The following ZNG1A variants were observed in gnomAD, a reference collection of about 807,000 sequenced individuals.
ZNG1A encodes Zn regulated GTPase metalloprotein activator 1A.
chr9:172,261 C>T, the ZNG1A span: 122 of 1,539,156 alleles, frequency 7.9e-5, no homozygotes, highest in African/African-American at 8.4e-4. Flanking sequence ...TTCAACAACC[C>T]GAGACAAAAG....
the ZNG1A span, among the ~76,000 whole-genome samples, chr9:176,997 G>A: frequency 6.6e-6 from 1 of 152,184 alleles, no homozygotes; most frequent in Non-Finnish European, 1.5e-5. Context: ...GGGGAATTCA[G>A]TGAATAAGGA....
the ZNG1A span, among the ~76,000 whole-genome samples, chr9:124,114 T>C: frequency 2.6e-5 from 4 of 152,196 alleles, no homozygotes; most frequent in East Asian, 3.8e-4. Context: ...TCATCATGTA[T>C]TGAATATTAA....
At chr9:156,904 A>G in the ZNG1A span, among the ~76,000 whole-genome samples, 1 of 151,922 alleles carries the variant, frequency 6.6e-6, no homozygotes, top group Non-Finnish European at 1.5e-5. Flanking sequence ...CTAAATATTC[A>G]TTATTACTTA....
the ZNG1A span, among the ~76,000 whole-genome samples, chr9:132,336 G>A: frequency 5.4e-3 from 746 of 137,494 alleles, 25 homozygotes; most frequent in Admixed American, 0.052. Context: ...CCAACATGGT[G>A]AAACCCCATC....
the ZNG1A span, among the ~76,000 whole-genome samples, chr9:160,918 T>A: frequency 1.3e-5 from 2 of 150,944 alleles, no homozygotes; most frequent in East Asian, 3.8e-4. Context: ...CAACAGTCAT[T>A]GGAATTTTTC....
At chr9:163,406 A>T in the ZNG1A span, among the ~76,000 whole-genome samples, 16 of 152,108 alleles carry the variant, frequency 1.1e-4, no homozygotes, top group East Asian at 3.1e-3. Flanking sequence ...GGATACAGAA[A>T]ACCTACAAAG....
the ZNG1A span, among the ~76,000 whole-genome samples, chr9:140,685 G>T: frequency 2.0e-5 from 3 of 151,754 alleles, no homozygotes; most frequent in Admixed American, 1.3e-4. Flanking sequence ...AACAAAGCTG[G>T]AGGGAGAATG....
At chr9:139,746 G>A in the ZNG1A span, among the ~76,000 whole-genome samples, 217 of 151,708 alleles carry the variant, frequency 1.4e-3, 1 homozygote, top group African/African-American at 5.1e-3. Flanking sequence ...TTCCATCTGA[G>A]GTACCGGGTT....
the ZNG1A span, chr9:154,896 A>G: frequency 8.4e-7 from 1 of 1,195,660 alleles, no homozygotes; most frequent in Non-Finnish European, 1.2e-6. Flanking sequence ...AAAATAAATA[A>G]AAACGCCTCA....
chr9:123,979 TA>T, the ZNG1A span, among the ~76,000 whole-genome samples: 3 of 151,650 alleles, frequency 2.0e-5, no homozygotes, highest in Admixed American at 6.6e-5. Context: ...TCTGTTCTCT[TA>T]AAAAAAAATA....
chr9:141,494 G>A, the ZNG1A span, among the ~76,000 whole-genome samples: 1 of 149,548 alleles, frequency 6.7e-6, no homozygotes, highest in Non-Finnish European at 1.5e-5. Context: ...CAAATGCTGA[G>A]AGATTTTGTC....
chr9:154,723 T>C, the ZNG1A span: 1 of 1,597,998 alleles, frequency 6.3e-7, no homozygotes, highest in Non-Finnish European at 8.5e-7. Flanking sequence ...TTGTCGTTCT[T>C]AATTTCTTTA....
the ZNG1A span, chr9:177,908 A>C: frequency 2.0e-6 from 3 of 1,517,610 alleles, no homozygotes; most frequent in Non-Finnish European, 2.7e-6. Flanking sequence ...AAAGTTTTTA[A>C]AAAAAACAAA....
chr9:164,431 A>G, the ZNG1A span: 1 of 138,104 alleles, frequency 7.2e-6, no homozygotes, highest in Non-Finnish European at 1.5e-5. Flanking sequence ...ATTCAATCAT[A>G]AATAGTGAAT....
the ZNG1A span, among the ~76,000 whole-genome samples, chr9:176,555 T>A: frequency 6.6e-6 from 1 of 152,200 alleles, no homozygotes; most frequent in South Asian, 2.1e-4. Flanking sequence ...TTTTACGGAG[T>A]ATTAGGGTAT....
the ZNG1A span, among the ~76,000 whole-genome samples, chr9:156,273 C>A: frequency 3.3e-5 from 5 of 151,020 alleles, no homozygotes; most frequent in African/African-American, 1.2e-4. Flanking sequence ...TCAGCATTCA[C>A]TTTATGCTAC....
chr9:138,416 C>T, the ZNG1A span, among the ~76,000 whole-genome samples: 1 of 119,834 alleles, frequency 8.3e-6, no homozygotes, highest in Admixed American at 9.4e-5. Flanking sequence ...TTACAAACTA[C>T]ATGCAAATTT....
chr9:141,020 T>G, the ZNG1A span, among the ~76,000 whole-genome samples: 1 of 137,614 alleles, frequency 7.3e-6, no homozygotes, highest in Non-Finnish European at 1.5e-5. Context: ...AAACAAAGCC[T>G]CCAAGAAATA....
the ZNG1A span, among the ~76,000 whole-genome samples, chr9:141,936 AG>A: frequency 6.6e-6 from 1 of 151,316 alleles, no homozygotes; most frequent in African/African-American, 2.4e-5. Context: ...AGATCAAAAG[AG>A]ACAAAGAAGG....
Sources: gnomAD v4.1 joint callset for allele counts (sites outside exome capture counted in the v4.1 genomes callset) on GRCh38, gnomAD v4.1.1 for gene constraint, MANE v1.5 for transcripts, NCBI Gene and HGNC (gene_info 2026-07-23, HGNC 2026-07-21) for gene names.